RBKS: variants seen among roughly 807,000 people sequenced by gnomAD.
RBKS encodes ribokinase.
In RBKS, 33 loss-of-function variants were observed where a neutral mutation model predicts 33.9. The observed-to-expected ratio is 0.97, with a 90% CI of 0.74 to 1.30. The LOEUF (loss-of-function observed/expected upper bound fraction) is 1.30. Ranked by LOEUF, RBKS falls within the 50% of genes most tolerant of loss-of-function variation. RBKS has a pLI of 0.00. For synonymous variants in RBKS, 125 were observed against 143.0 expected (o/e 0.87, Z 0.90); for missense variants, 361 against 392.6 (o/e 0.92, Z 0.68).
At chr2:27,884,942 C>G (rs1664497026) in intron 1 of RBKS, among the ~76,000 whole-genome samples, 1 of 152,120 alleles carries the variant, frequency 6.6e-6, no homozygotes, top group South Asian at 2.1e-4. Context: ...CCTCAGTGAT[C>G]TCATCCAGCC....
At chr2:27,884,669 G>C (rs1664491264) in intron 1 of RBKS, among the ~76,000 whole-genome samples, 1 of 152,048 alleles carries the variant, frequency 6.6e-6, no homozygotes, top group Non-Finnish European at 1.5e-5. Flanking sequence ...CTCATTTCCT[G>C]ATTTGGCAGG....
intron 7 of RBKS, among the ~76,000 whole-genome samples, chr2:27,788,693 C>A (rs558992650): frequency 6.6e-6 from 1 of 151,736 alleles, no homozygotes; most frequent in African/African-American, 2.4e-5. Context: ...GGTAACAGAG[C>A]GAAAAAAACC....
At chr2:27,864,440 TC>T (rs1019969535) in intron 1 of RBKS, among the ~76,000 whole-genome samples, 2 of 152,194 alleles carry the variant, frequency 1.3e-5, no homozygotes, top group African/African-American at 4.8e-5. Flanking sequence ...CAATGTCATA[TC>T]CTTGAGCCCT....
intron 5 of RBKS, among the ~76,000 whole-genome samples, chr2:27,838,390 A>G (rs1180360366): frequency 6.6e-6 from 1 of 152,228 alleles, no homozygotes; most frequent in Non-Finnish European, 1.5e-5. Context: ...CCACAATAAA[A>G]GCAAATTTTA....
intron 7 of RBKS, among the ~76,000 whole-genome samples, chr2:27,819,405 T>A (rs1298867654): frequency 1.3e-5 from 2 of 152,150 alleles, no homozygotes; most frequent in Admixed American, 1.3e-4. Flanking sequence ...TACAGTCACA[T>A]TGGGGGTTAA....
chr2:27,789,093 C>A (rs1677459449), intron 7 of RBKS, among the ~76,000 whole-genome samples: 1 of 152,158 alleles, frequency 6.6e-6, no homozygotes, highest in African/African-American at 2.4e-5. Context: ...AGTAATTAGA[C>A]AGAGAGATAC....
chr2:27,851,852 C>T (rs1264334701), intron 2 of RBKS, among the ~76,000 whole-genome samples: 2 of 152,142 alleles, frequency 1.3e-5, no homozygotes, highest in African/African-American at 4.8e-5. Context: ...ATGTTCCATT[C>T]TTGAAGGAAC....
At chr2:27,818,121 A>G (rs929037020) in intron 7 of RBKS, among the ~76,000 whole-genome samples, 1 of 152,188 alleles carries the variant, frequency 6.6e-6, no homozygotes, top group Non-Finnish European at 1.5e-5. Context: ...CTCCTGGTCT[A>G]CGCTACCTGG....
At chr2:27,838,055 C>A (rs750055155) in intron 5 of RBKS, among the ~76,000 whole-genome samples, 63 of 152,126 alleles carry the variant, frequency 4.1e-4, no homozygotes, top group South Asian at 1.7e-3. Flanking sequence ...CAAAAATTAG[C>A]TGGGTGTGGT....
chr2:27,812,131 C>G lies in RBKS; in HGVS notation c.795+15436G>C, dbSNP rs186018494. Among the ~76,000 whole-genome samples the G allele has an allele frequency of 4.7e-4, 71 of 152,244 alleles. 1 individual carries two copies. The highest frequency in any genetic ancestry group is 1.6e-3 in the African/African-American group (65 of 41,536). On this transcript the variant is annotated intron_variant, in intron 7 of 7. Coordinates refer to ENST00000302188, the MANE Select transcript of RBKS (RefSeq NM_022128.3). ...AACAGACACAGGAAAAAATGCTCATCATCACTGGCCACCAGAGAAATGCAA... is the reference window on the plus strand; with the variant it reads ...AACAGACACAGGAAAAAATGCTCATGATCACTGGCCACCAGAGAAATGCAA...
At chr2:27,867,099 G>T (rs371956434) in intron 1 of RBKS, among the ~76,000 whole-genome samples, 54 of 14,816 alleles carry the variant, frequency 3.6e-3, no homozygotes, top group Admixed American at 4.0e-3. Context: ...GTAAGACCCT[G>T]TCTCAAAAAA....
At chr2:27,783,151 TGCCCCAGGGGGCCGGGCGTG>T in intron 7 of RBKS, among the ~76,000 whole-genome samples, 1 of 152,280 alleles carries the variant, frequency 6.6e-6, no homozygotes, top group Admixed American at 6.5e-5. Context: ...CATTACAAGA[TGCCCCAGGGGGCCGGGCGTG>T]GTGGCTCACA....
intron 4 of RBKS, among the ~76,000 whole-genome samples, chr2:27,846,078 C>A (rs984389094): frequency 5.3e-5 from 8 of 152,072 alleles, no homozygotes; most frequent in African/African-American, 1.7e-4. Context: ...GATTCTCCTG[C>A]CTCAGCCTCC....
chr2:27,872,968 C>T (rs551132794), intron 1 of RBKS, among the ~76,000 whole-genome samples: 18 of 152,176 alleles, frequency 1.2e-4, no homozygotes, highest in African/African-American at 3.9e-4. Flanking sequence ...GTGCTATACT[C>T]GCAGAGAAAG....
At chr2:27,868,588 G>T (rs949289424) in intron 1 of RBKS, among the ~76,000 whole-genome samples, 1 of 152,134 alleles carries the variant, frequency 6.6e-6, no homozygotes, top group Non-Finnish European at 1.5e-5. Flanking sequence ...AAGAGCATAA[G>T]AAACAATAAT....
chr2:27,865,335 C>T (rs762625883), intron 1 of RBKS, among the ~76,000 whole-genome samples: 8 of 143,540 alleles, frequency 5.6e-5, no homozygotes, highest in Non-Finnish European at 1.1e-4. Flanking sequence ...AACAAACAAA[C>T]AAACAAACAA....
At chr2:27,847,154 T>G in intron 3 of RBKS, 50 bp from the exon 4 acceptor site, 1 of 1,057,938 alleles carries the variant, frequency 9.5e-7, no homozygotes, top group Non-Finnish European at 1.5e-6. Flanking sequence ...CTGGCATGGA[T>G]AATTTATTTT....
chr2:27,791,130 C>T (rs911212770), intron 7 of RBKS, among the ~76,000 whole-genome samples: 1 of 152,142 alleles, frequency 6.6e-6, no homozygotes, highest in African/African-American at 2.4e-5. Flanking sequence ...ATGGATGAAT[C>T]TCAAAAGAAT....
chr2:27,890,241 C>G lies in RBKS; in HGVS notation c.89+16G>C. On this transcript the variant is annotated intron_variant, in intron 1 of 7. Coordinates refer to ENST00000302188, the MANE Select transcript of RBKS (RefSeq NM_022128.3). The surrounding 1 kb of genome is among the most constrained non-coding windows in gnomAD (Gnocchi z 4.8). The stretch of plus-strand genomic sequence containing the variant: ...CTCCCCCGAGCCGCAGACTGAGTAA[C>G]TGGCCCCGGACTAACCTGACCAGGT... 6.2e-7 allele frequency: 1 copy of G among 1,612,248 alleles called. No homozygotes were observed. Among genetic ancestry groups the G allele is most frequent in the Non-Finnish European group, 8.5e-7 (1 of 1,179,140 alleles).
Sources: gnomAD v4.1 joint callset for allele counts (sites outside exome capture counted in the v4.1 genomes callset) on GRCh38, gnomAD v4.1.1 for gene constraint, Gnocchi (gnomAD v3.1) non-coding constraint, MANE v1.5 for transcripts, NCBI Gene and HGNC (gene_info 2026-07-23, HGNC 2026-07-21) for gene names.